Variants in UBAP2L observed in about 807,000 individuals in gnomAD.
The protein encoded by UBAP2L is ubiquitin associated protein 2 like.
Under a neutral mutation model 130.6 loss-of-function variants are expected in UBAP2L, and 12 were observed. The ratio of observed to expected loss-of-function variants is 0.09; its 90% CI spans 0.06 to 0.15. The LOEUF (loss-of-function observed/expected upper bound fraction) is 0.15. Ranked by LOEUF, UBAP2L falls within the 10% of genes least tolerant of loss-of-function variation. The probability of loss-of-function intolerance (pLI) is 1.00; values close to 1 mark genes in which losing one functional copy is unlikely to be tolerated. For missense variants in UBAP2L, 965 were observed against 1,332.5 expected, an observed-to-expected ratio of 0.72 and a Z score of 4.29; for synonymous variants, 503 against 524.7, an observed-to-expected ratio of 0.96 and a Z score of 0.57.
chr1:154,239,592 T>G (rs927169474), intron 8 of UBAP2L, among the ~76,000 whole-genome samples: 1 of 152,202 alleles, frequency 6.6e-6, no homozygotes, highest in Admixed American at 6.6e-5. Flanking sequence ...TCCTCAGCTC[T>G]CTCTCTTCCT....
chr1:154,238,635 T>C (rs893015508), intron 8 of UBAP2L, among the ~76,000 whole-genome samples: 4 of 152,364 alleles, frequency 2.6e-5, no homozygotes, highest in South Asian at 2.1e-4. Context: ...AAGGCTGGAA[T>C]TGGAAATCTG....
intron 26 of UBAP2L, 28 bp downstream of exon 26, chr1:154,268,982 C>T (rs771935098): frequency 6.2e-7 from 1 of 1,611,302 alleles, no homozygotes; most frequent in South Asian, 1.1e-5. Flanking sequence ...TCTCTCCTTT[C>T]CCTTCCTCTT....
At chr1:154,228,535 G>T (rs116021863) in intron 3 of UBAP2L, 80 bp from the exon 4 acceptor site, 1 of 1,085,458 alleles carries the variant, frequency 9.2e-7, no homozygotes, top group South Asian at 1.4e-5. Flanking sequence ...AACTGATAGC[G>T]TTTCCCTTCA....
At chr1:154,246,074 CT>C (rs11301778) in intron 10 of UBAP2L, 129 bp from the exon 11 acceptor site, 564,713 of 930,340 alleles carry the variant, frequency 0.61, 177,714 homozygotes, top group East Asian at 0.97. Flanking sequence ...CATTTCAAGG[CT>C]TTTGTGTTTG....
chr1:154,254,587 A>T, intron 15 of UBAP2L: 1 of 557,234 alleles, frequency 1.8e-6, no homozygotes, highest in Admixed American at 3.7e-5. Context: ...TGTCTTCAAC[A>T]ATTTGTAGGG....
rs1204599911 is a variant in UBAP2L at position 154,270,237 on chromosome 1, C to T, written c.3206C>T (p.Pro1069Leu). ...CAACGTAGCCAGACCAGCTCCATCCCGCAGAAGCCCCAGACCAACAAGTCT... is the reference window on the plus strand; with the variant it reads ...CAACGTAGCCAGACCAGCTCCATCCTGCAGAAGCCCCAGACCAACAAGTCT... Reference protein sequence around the residue: ...SGQRSQTSSIPQKPQTNKSAY... With the variant: ...SGQRSQTSSILQKPQTNKSAY... The change falls in exon 27 of 27, where the codon CCG becomes CTG. Residue 1069 changes from proline to leucine, a missense_variant. Pro to Leu is a moderately conservative substitution (Grantham distance 98). Around this residue, in one of 9 missense-constraint regions of UBAP2L, gnomAD observed 194 missense variants for 334.0 expected, o/e 0.58. Transcript: ENST00000428931. The T allele has an allele frequency of 3.7e-6, 6 of 1,612,968 alleles. No individual in the cohort carries two copies. The highest frequency in any genetic ancestry group is 1.3e-5 in the African/African-American group (1 of 74,916).
chr1:154,226,149 C>T (rs1433000621), intron 2 of UBAP2L, among the ~76,000 whole-genome samples: 5 of 152,202 alleles, frequency 3.3e-5, no homozygotes, highest in Non-Finnish European at 5.9e-5. Flanking sequence ...CTTTTCCATT[C>T]CAGATTTTAT....
rs137929119 is a variant in UBAP2L at position 154,251,335 on chromosome 1, G to A, written c.1491+17G>A. ...ACTTCTAAGGTACTTAAACTTTTAG[G>A]TAGATACCATTTTATGGCAAGGGGT... is the stretch of plus-strand genomic sequence containing the variant. On this transcript the variant is annotated intron_variant, in intron 13 of 26. Transcript: ENST00000428931. 171 of 1,600,296 alleles carry A rather than the reference G, an allele frequency of 1.1e-4. 2 individuals are homozygous for A. The East Asian group carries it at 3.6e-3, about 34-fold the overall frequency.
chr1:154,251,037 G>A lies in UBAP2L; in HGVS notation c.1214-4G>A. The A allele has an allele frequency of 1.2e-6, 2 of 1,601,740 alleles. No homozygotes were observed. The highest frequency in any genetic ancestry group is 1.7e-6 in the Non-Finnish European group (2 of 1,171,356). On this transcript the variant is annotated splice_polypyrimidine_tract_variant and splice_region_variant and intron_variant, in intron 12 of 26. Coordinates refer to ENST00000428931, the MANE Select transcript of UBAP2L (RefSeq NM_014847.4). ...GGCTTCATATACTGGGTTTCCTCTT[G>A]CAGATTTGAAGAACCCAAGTGATTC...
At chr1:154,260,778 G>T in intron 22 of UBAP2L, 114 bp from the exon 23 acceptor site, 1 of 1,017,896 alleles carries the variant, frequency 9.8e-7, no homozygotes, top group Non-Finnish European at 1.5e-6. Flanking sequence ...TCAAGGAATT[G>T]AACTTTAATA....
At position 154,257,151 on chromosome 1, in the gene UBAP2L, T is replaced by C; in HGVS notation, c.2246T>C (p.Val749Ala). The change falls in exon 19 of 27, where the codon GTG becomes GCG. Residue 749 changes from valine (V) to alanine (A), a missense_variant. Physicochemically the swap from Val to Ala is moderately conservative, Grantham distance 64. This residue lies in a region of UBAP2L where 393 missense variants were observed against 408.1 expected (regional missense o/e 0.96). Coordinates refer to ENST00000428931, the MANE Select transcript of UBAP2L (RefSeq NM_014847.4). Reference sequence around the variant, plus strand: ...AGCACAGTCTCTGCACCTCCCCCAGTGGTCAGTGTCTCCTCCAGTCTCAAT... The same window carrying C: ...AGCACAGTCTCTGCACCTCCCCCAGCGGTCAGTGTCTCCTCCAGTCTCAAT... ...TSSTVSAPPP[V>A]VSVSSSLNSG... 6.2e-7 allele frequency: 1 copy of C among 1,614,132 alleles called. No individual in the cohort carries two copies. The highest frequency in any genetic ancestry group is 8.5e-7 in the Non-Finnish European group (1 of 1,180,030).
At chr1:154,248,959 T>C (rs1440157668) in intron 11 of UBAP2L, among the ~76,000 whole-genome samples, 1 of 152,246 alleles carries the variant, frequency 6.6e-6, no homozygotes, top group African/African-American at 2.4e-5. Context: ...TTAAGTGCTT[T>C]AATTTATTTA....
chr1:154,241,666 A>C, intron 9 of UBAP2L, 101 bp downstream of exon 9: 3 of 1,548,262 alleles, frequency 1.9e-6, no homozygotes, highest in Non-Finnish European at 2.6e-6. Flanking sequence ...TTCACCCTTA[A>C]GATTCTGACC....
upstream of UBAP2L, chr1:154,220,189 T>C: frequency 1.0e-6 from 1 of 987,594 alleles, no homozygotes; most frequent in South Asian, 1.4e-5. Context: ...CCCGACTAAG[T>C]GACTTAAACT....
intron 24 of UBAP2L, among the ~76,000 whole-genome samples, chr1:154,266,206 T>C (rs1683169667): frequency 6.6e-6 from 1 of 152,132 alleles, no homozygotes; most frequent in Non-Finnish European, 1.5e-5. Flanking sequence ...CACAGAAGTG[T>C]TTTGAAAACA....
intron 18 of UBAP2L, 135 bp downstream of exon 18, chr1:154,255,890 G>T: frequency 9.8e-7 from 1 of 1,017,248 alleles, no homozygotes. Context: ...TGCAGGAAAA[G>T]GAGTAAAGGG....
intron 24 of UBAP2L, among the ~76,000 whole-genome samples, 197 bp downstream of exon 24, chr1:154,261,894 C>A (rs1681667627): frequency 6.6e-6 from 1 of 152,120 alleles, no homozygotes; most frequent in Non-Finnish European, 1.5e-5. Flanking sequence ...GGACATGTGT[C>A]CACTATTTGT....
intron 6 of UBAP2L, among the ~76,000 whole-genome samples, chr1:154,236,007 G>A (rs1251363834): frequency 6.6e-6 from 1 of 152,156 alleles, no homozygotes; most frequent in African/African-American, 2.4e-5. Context: ...GAGAAAGAAG[G>A]TAGATGTCAT....
intron 24 of UBAP2L, among the ~76,000 whole-genome samples, chr1:154,265,396 A>G (rs1391250213): frequency 3.9e-5 from 6 of 152,208 alleles, no homozygotes; most frequent in Non-Finnish European, 7.4e-5. Context: ...GATGGGAAGG[A>G]TCCAAGGGCA....
Sources: gnomAD v4.1 joint callset for allele counts (sites outside exome capture counted in the v4.1 genomes callset) on GRCh38, gnomAD v4.1.1 for gene constraint, gnomAD v4.1.1 regional missense constraint, MANE v1.5 for transcripts, NCBI Gene and HGNC (gene_info 2026-07-23, HGNC 2026-07-21) for gene names.